Variants in STARD8 observed in about 807,000 individuals in gnomAD.
STARD8 encodes stAR-related lipid transfer protein 8.
STARD8 carries 25 observed loss-of-function variants against 69.4 expected under a neutral mutation model. That is an observed-to-expected ratio of 0.36 (90% confidence interval 0.26 to 0.50). The LOEUF (loss-of-function observed/expected upper bound fraction) is 0.50. STARD8 is among the 20% of genes least tolerant of loss of function. The pLI is 0.96. For missense variants in STARD8, 921 were observed against 932.5 expected (o/e 0.99, Z 0.16); for synonymous variants, 389 against 374.6 (o/e 1.04, Z -0.45).
intron 7 of STARD8, 75 bp downstream of exon 7, chrX:68,719,473 G>T: frequency 1.9e-6 from 2 of 1,058,400 alleles, no homozygotes; most frequent in Non-Finnish European, 2.5e-6. Context: ...GTCAGCCCAG[G>T]AGGTGGGTGC....
intron 1 of STARD8, among the ~76,000 whole-genome samples, chrX:68,651,865 T>C (rs2079549713): frequency 9.3e-6 from 1 of 108,009 alleles, no homozygotes; most frequent in South Asian, 4.2e-4. Context: ...AAGTCTTTTT[T>C]TTTTTTTTTT....
chrX:68,683,590 T>C (rs1366167041), intron 2 of STARD8, among the ~76,000 whole-genome samples: 5 of 111,737 alleles, frequency 4.5e-5, no homozygotes. Flanking sequence ...TACATTTTCC[T>C]CAAAGGCTTA....
At chrX:68,712,762 G>T (rs915175900) in intron 2 of STARD8, among the ~76,000 whole-genome samples, 152 bp from the exon 3 acceptor site, 1 of 112,238 alleles carries the variant, frequency 8.9e-6, no homozygotes, top group Non-Finnish European at 1.9e-5. Context: ...GAGCAAATGT[G>T]CTAGGACCTC....
intron 1 of STARD8, among the ~76,000 whole-genome samples, chrX:68,655,370 C>T (rs2079605123): frequency 8.9e-6 from 1 of 111,884 alleles, no homozygotes; most frequent in African/African-American, 3.3e-5. Context: ...GGTAAAACCA[C>T]GTAGAGGGGG....
intron 2 of STARD8, among the ~76,000 whole-genome samples, chrX:68,691,110 A>AAC (rs1199440174): frequency 1.8e-5 from 2 of 110,570 alleles, no homozygotes; most frequent in South Asian, 3.8e-4. Context: ...CGGGCACAGA[A>AAC]ACACACACAC....
chrX:68,720,993 C>T lies in STARD8; in HGVS notation c.2119C>T (p.Pro707Ser). ...QNLRQMNETS[P>S]DNVCYEGQSA... ...CCTGCGTCAAATGAATGAGACCTCG[C>T]CTGACAATGTCTGCTACGAGGGCCA... The change falls in exon 9 of 15, where the codon CCT becomes TCT. Residue 707 changes from proline to serine, a missense_variant. By Grantham distance (74) the Pro-to-Ser change is moderately conservative. Transcript: ENST00000374599. 1 of 1,211,875 alleles carries T rather than the reference C, an allele frequency of 8.3e-7. No individual in the cohort carries two copies. The highest frequency in any genetic ancestry group is 1.1e-6 in the Non-Finnish European group (1 of 895,519).
intron 3 of STARD8, 67 bp from the exon 4 acceptor site, chrX:68,715,227 C>T (rs778793539): frequency 2.3e-5 from 23 of 1,000,093 alleles, no homozygotes; most frequent in Non-Finnish European, 3.2e-5. Flanking sequence ...CCTTCCAGCC[C>T]AAGGGCTGCT....
chrX:68,668,264 T>TTC (rs1327026712), intron 2 of STARD8, among the ~76,000 whole-genome samples: 1 of 87,541 alleles, frequency 1.1e-5, no homozygotes, highest in African/African-American at 5.2e-5. Flanking sequence ...CTTTCTTTCT[T>TTC]TCTTTCTTTC....
intron 2 of STARD8, among the ~76,000 whole-genome samples, chrX:68,705,791 C>T (rs891159102): frequency 1.8e-5 from 2 of 112,834 alleles, no homozygotes; most frequent in African/African-American, 6.4e-5. Context: ...TACTCCTTGA[C>T]CCCCACCAAT....
At chrX:68,705,654 A>G (rs1428441098) in intron 2 of STARD8, among the ~76,000 whole-genome samples, 1 of 112,657 alleles carries the variant, frequency 8.9e-6, no homozygotes, top group Non-Finnish European at 1.9e-5. Flanking sequence ...CAGATAAGGC[A>G]GAGGCCAACC....
At chrX:68,691,571 T>C (rs994915477) in intron 2 of STARD8, among the ~76,000 whole-genome samples, 1 of 112,264 alleles carries the variant, frequency 8.9e-6, no homozygotes, top group Admixed American at 9.4e-5. Context: ...TTTCAAAATG[T>C]CACAATGTGC....
At chrX:68,688,637 G>T (rs1318067543) in intron 2 of STARD8, among the ~76,000 whole-genome samples, 2 of 112,339 alleles carry the variant, frequency 1.8e-5, no homozygotes, top group Non-Finnish European at 3.8e-5. Context: ...GATCCTGAGG[G>T]CTGTTCAAGG....
chrX:68,691,533 A>G lies in STARD8; in HGVS notation c.80-21381A>G, dbSNP rs976669112. 2.6e-4 allele frequency among the ~76,000 whole-genome samples: 29 copies of G among 112,224 alleles called. No individual in the cohort carries two copies. In the Admixed American group the frequency reaches 2.6e-3, roughly 10 times the overall value. On this transcript the variant is annotated intron_variant, in intron 2 of 14. Coordinates refer to ENST00000374599, the MANE Select transcript of STARD8 (RefSeq NM_001142503.3). ...AAGAGGGAGATCAAAAAAGACCAAA[A>G]GAAATAGCCCTGATATCGCTTGGGC...
At chrX:68,700,921 A>G (rs1178753795) in intron 2 of STARD8, among the ~76,000 whole-genome samples, 1 of 112,091 alleles carries the variant, frequency 8.9e-6, no homozygotes, top group Non-Finnish European at 1.9e-5. Flanking sequence ...GTTGTTGAAT[A>G]TTAAATCCAA....
chrX:68,707,577 G>A (rs891855956), intron 2 of STARD8, among the ~76,000 whole-genome samples: 1 of 111,724 alleles, frequency 9.0e-6, no homozygotes, highest in Admixed American at 9.5e-5. Flanking sequence ...ACTAGTCATG[G>A]GTGGGGCCCA....
intron 2 of STARD8, among the ~76,000 whole-genome samples, chrX:68,710,267 A>T (rs889352412): frequency 8.9e-6 from 1 of 112,588 alleles, no homozygotes; most frequent in Admixed American, 9.4e-5. Context: ...AGATCAATTA[A>T]GCCAGCCTTC....
chrX:68,675,379 C>T (rs1220841960), intron 2 of STARD8, among the ~76,000 whole-genome samples: 4 of 111,674 alleles, frequency 3.6e-5, no homozygotes, highest in African/African-American at 1.3e-4. Context: ...CAGGGATGAG[C>T]CACCATGCCT....
At chrX:68,696,898 A>G (rs934547729) in intron 2 of STARD8, among the ~76,000 whole-genome samples, 3 of 111,640 alleles carry the variant, frequency 2.7e-5, no homozygotes, top group Non-Finnish European at 3.8e-5. Flanking sequence ...TTAAATAATA[A>G]TACCTTGGTG....
intron 3 of STARD8, among the ~76,000 whole-genome samples, chrX:68,713,647 T>TCTG (rs938192807): frequency 8.9e-6 from 1 of 111,880 alleles, no homozygotes; most frequent in African/African-American, 3.3e-5. Context: ...CTGGCTGGGT[T>TCTG]CTGTCTCCTT....
Sources: allele counts gnomAD v4.1 joint callset (sites outside exome capture counted in the v4.1 genomes callset), GRCh38; gene constraint gnomAD v4.1.1; transcripts MANE v1.5; gene names NCBI Gene and HGNC (gene_info 2026-07-23, HGNC 2026-07-21).